The following SLC35F4 variants were observed in gnomAD, a reference collection of about 807,000 sequenced individuals.
SLC35F4 encodes the protein chromosome 14 open reading frame 36.
Under a neutral mutation model 44.2 loss-of-function variants are expected in SLC35F4, and 24 were observed. The observed-to-expected ratio is 0.54, with a 90% CI of 0.39 to 0.76. The LOEUF is 0.76. SLC35F4 is among the 30% of genes least tolerant of loss of function. The pLI is 0.00. For missense variants in SLC35F4, 562 were observed against 586.1 expected (o/e 0.96, Z 0.42); for synonymous variants, 238 against 223.6 (o/e 1.06, Z -0.57).
chr14:57,884,013 C>A (rs557636163), intron 1 of SLC35F4, among the ~76,000 whole-genome samples: 1 of 152,260 alleles, frequency 6.6e-6, no homozygotes, highest in South Asian at 2.1e-4. Context: ...GTGATAGAGA[C>A]AATAAGAGCC....
intron 1 of SLC35F4, among the ~76,000 whole-genome samples, chr14:57,668,804 G>T (rs1175003450): frequency 6.6e-6 from 1 of 152,082 alleles, no homozygotes; most frequent in Non-Finnish European, 1.5e-5. Context: ...GATTGACTTG[G>T]CGATGCGGGC....
At chr14:57,565,197 C>A (rs1038025843) in intron 7 of SLC35F4, among the ~76,000 whole-genome samples, 2 of 152,184 alleles carry the variant, frequency 1.3e-5, no homozygotes, top group Non-Finnish European at 2.9e-5. Context: ...TAAACATTTG[C>A]GTATGAGGAT....
chr14:57,905,364 T>C (rs72624747), intron 1 of SLC35F4, among the ~76,000 whole-genome samples: 18,458 of 152,244 alleles, frequency 0.12, 1,369 homozygotes, highest in East Asian at 0.4. Context: ...TCAGAAGTCA[T>C]GCAATGTTCT....
chr14:57,652,305 T>C (rs1026999136), intron 1 of SLC35F4, among the ~76,000 whole-genome samples: 23 of 152,320 alleles, frequency 1.5e-4, no homozygotes, highest in Non-Finnish European at 3.1e-4. Flanking sequence ...GCGTGCTAGC[T>C]TTCTGAGCTC....
chr14:57,630,069 T>C, intron 1 of SLC35F4: 1 of 541,432 alleles, frequency 1.8e-6, no homozygotes, highest in Non-Finnish European at 3.8e-6. Context: ...TTGCTTATAT[T>C]CAATTTGAGG....
intron 1 of SLC35F4, among the ~76,000 whole-genome samples, chr14:57,900,796 C>T (rs1888983842): frequency 6.6e-6 from 1 of 151,974 alleles, no homozygotes; most frequent in Non-Finnish European, 1.5e-5. Flanking sequence ...GTCTAATATC[C>T]AGAATCTACA....
intron 1 of SLC35F4, among the ~76,000 whole-genome samples, chr14:57,810,757 T>C (rs995782362): frequency 6.6e-6 from 1 of 152,242 alleles, no homozygotes; most frequent in Non-Finnish European, 1.5e-5. Flanking sequence ...GTGAGAACTC[T>C]GAATTGCACA....
At chr14:57,732,367 T>G (rs918281699) in intron 1 of SLC35F4, among the ~76,000 whole-genome samples, 4 of 152,042 alleles carry the variant, frequency 2.6e-5, no homozygotes, top group Non-Finnish European at 5.9e-5. Flanking sequence ...ACAAGCACAG[T>G]AAAGTTATAA....
intron 1 of SLC35F4, among the ~76,000 whole-genome samples, chr14:57,884,970 C>T (rs957095964): frequency 6.6e-6 from 1 of 152,088 alleles, no homozygotes; most frequent in Non-Finnish European, 1.5e-5. Context: ...GATACAATCA[C>T]ACATAAAAAC....
At chr14:57,955,142 G>A (rs1157823594) in intron 1 of SLC35F4, among the ~76,000 whole-genome samples, 1 of 151,990 alleles carries the variant, frequency 6.6e-6, no homozygotes, top group Non-Finnish European at 1.5e-5. Flanking sequence ...TACAACATAC[G>A]GAAATCAACA....
At chr14:57,679,580 C>A (rs146172016) in intron 1 of SLC35F4, among the ~76,000 whole-genome samples, 1 of 152,024 alleles carries the variant, frequency 6.6e-6, no homozygotes, top group East Asian at 1.9e-4. Flanking sequence ...ATCAATGAAT[C>A]CAGGAGCTGG....
chr14:57,908,572 G>A (rs1324788265), intron 1 of SLC35F4, among the ~76,000 whole-genome samples: 1 of 152,102 alleles, frequency 6.6e-6, no homozygotes, highest in African/African-American at 2.4e-5. Flanking sequence ...TTTGTTGGTG[G>A]CATAAGTGTC....
chr14:57,940,906 T>C lies in SLC35F4; in HGVS notation n.282+41007A>G, dbSNP rs191787910. Reference sequence around the variant, plus strand: ...TCAGATGACCTGACATCATCACTCATAGGTATCTTAGTTGCCTTGTAAAAA... The same window carrying C: ...TCAGATGACCTGACATCATCACTCACAGGTATCTTAGTTGCCTTGTAAAAA... On this transcript the variant is annotated intron_variant and non_coding_transcript_variant, in intron 1 of 1. Transcript: ENST00000556568. Among the ~76,000 whole-genome samples the C allele has an allele frequency of 1.2e-3, 187 of 152,332 alleles. 3 individuals carry two copies. In the South Asian group the frequency reaches 0.022, roughly 18 times the overall value.
Position 57,569,955 on chromosome 14 carries a change from C to T in SLC35F4, c.959G>A (p.Ser320Asn). ...GTGTGCAGCTTCCCCAAAGTTGGCA[C>T]TTCCAAGAAACATTTTAAACAAGAC... is the stretch of plus-strand genomic sequence containing the variant. ...YKVLFKMFLGSANFGEAAHFV... is the reference protein window; with the variant it reads ...YKVLFKMFLGNANFGEAAHFV... Residue 320 changes from serine (S) to asparagine (N), a missense_variant, in exon 6 of 8, where the codon AGT (serine) becomes AAT (asparagine). Transcript: ENST00000556826. 1 of 1,608,332 alleles carries T rather than the reference C, an allele frequency of 6.2e-7. No homozygotes were observed. Among genetic ancestry groups the T allele is most frequent in the Non-Finnish European group, 8.5e-7 (1 of 1,178,006 alleles).
intron 1 of SLC35F4, among the ~76,000 whole-genome samples, chr14:57,665,194 T>C (rs374284118): frequency 3.4e-5 from 5 of 147,514 alleles, no homozygotes; most frequent in East Asian, 2.2e-4. Flanking sequence ...TATAGAGAAA[T>C]AGACACCTGT....
At chr14:57,812,009 A>G (rs1444977359) in intron 1 of SLC35F4, among the ~76,000 whole-genome samples, 2 of 152,108 alleles carry the variant, frequency 1.3e-5, no homozygotes, top group Non-Finnish European at 2.9e-5. Context: ...AATAAGGTCA[A>G]ATGTCTGAGT....
At chr14:57,740,378 C>T (rs886551194) in intron 1 of SLC35F4, among the ~76,000 whole-genome samples, 1 of 152,166 alleles carries the variant, frequency 6.6e-6, no homozygotes, top group Non-Finnish European at 1.5e-5. Flanking sequence ...ATTTTTCCAA[C>T]ACCATGCATA....
rs187115863 is a variant in SLC35F4, at chr14:57,601,136, T to G, written c.104-7012A>C. Among the ~76,000 whole-genome samples the G allele has an allele frequency of 3.1e-3, 476 of 152,134 alleles. 1 individual carries two copies. The highest frequency in any genetic ancestry group is 0.01 in the African/African-American group (430 of 41,554). ...AAAATAACTTGGCTGTTGGTCATATTATCTATATTTTTGTATGCCTTATAT... is the reference window on the plus strand; with the variant it reads ...AAAATAACTTGGCTGTTGGTCATATGATCTATATTTTTGTATGCCTTATAT... On this transcript the variant is annotated intron_variant, in intron 1 of 7. Coordinates refer to ENST00000556826, the MANE Select transcript of SLC35F4 (RefSeq NM_001306087.2).
At chr14:57,566,834 A>G (rs268821) in intron 6 of SLC35F4, among the ~76,000 whole-genome samples, 33,510 of 152,194 alleles carry the variant, frequency 0.22, 3,872 homozygotes, top group East Asian at 0.32. Context: ...TAATTGATTC[A>G]CAGGACTGTT....
Sources: gnomAD v4.1 joint callset for allele counts (sites outside exome capture counted in the v4.1 genomes callset) on GRCh38, gnomAD v4.1.1 for gene constraint, MANE v1.5 for transcripts, NCBI Gene and HGNC (gene_info 2026-07-23, HGNC 2026-07-21) for gene names.